SAMD12: variants seen among roughly 807,000 people sequenced by gnomAD.
SAMD12 encodes the protein sterile alpha motif domain-containing protein 12.
SAMD12 carries 9 observed loss-of-function variants against 15.0 expected under a neutral mutation model. The ratio of observed to expected loss-of-function variants is 0.60; its 90% CI spans 0.36 to 1.05. The LOEUF (loss-of-function observed/expected upper bound fraction) is 1.05. SAMD12 is among the 50% of genes least tolerant of loss of function. The pLI is 0.01. For missense variants in SAMD12, 230 were observed against 234.2 expected (o/e 0.98, Z 0.12); for synonymous variants, 86 against 90.1 (o/e 0.96, Z 0.25).
intron 4 of SAMD12, among the ~76,000 whole-genome samples, chr8:118,244,488 T>G (rs28370849): frequency 6.6e-6 from 1 of 152,260 alleles, no homozygotes; most frequent in South Asian, 2.1e-4. Context: ...TTGGCTTTTT[T>G]AATCACTGGG....
intron 1 of SAMD12, among the ~76,000 whole-genome samples, chr8:118,600,790 T>G (rs1293527790): frequency 6.6e-6 from 1 of 152,236 alleles, no homozygotes; most frequent in Non-Finnish European, 1.5e-5. Flanking sequence ...TTTGTGCTTT[T>G]TTTTTTAGAT....
At chr8:118,518,111 C>G (rs1000652085) in intron 2 of SAMD12, among the ~76,000 whole-genome samples, 1 of 152,194 alleles carries the variant, frequency 6.6e-6, no homozygotes, top group Non-Finnish European at 1.5e-5. Flanking sequence ...TGCCTTGTGT[C>G]TACCTCAAAA....
chr8:118,391,739 G>A (rs1420978697), intron 3 of SAMD12, among the ~76,000 whole-genome samples: 2 of 152,042 alleles, frequency 1.3e-5, no homozygotes, highest in African/African-American at 2.4e-5. Context: ...GGATTTCTTA[G>A]GTAGAAAAAT....
intron 2 of SAMD12, among the ~76,000 whole-genome samples, chr8:118,538,496 T>C (rs995342423): frequency 2.0e-5 from 3 of 152,168 alleles, no homozygotes; most frequent in Non-Finnish European, 4.4e-5. Flanking sequence ...TGGACACTGG[T>C]TGAGTTCTGC....
intron 2 of SAMD12, among the ~76,000 whole-genome samples, chr8:118,543,870 T>G (rs1362087839): frequency 6.6e-6 from 1 of 152,130 alleles, no homozygotes; most frequent in Non-Finnish European, 1.5e-5. Flanking sequence ...GTCTTTATAT[T>G]CACCTTTCAT....
intron 4 of SAMD12, among the ~76,000 whole-genome samples, chr8:118,342,425 G>T (rs973144683): frequency 1.3e-5 from 2 of 152,260 alleles, no homozygotes; most frequent in Non-Finnish European, 2.9e-5. Context: ...CGTAGATAAG[G>T]GATCTTTCTA....
chr8:118,197,903 T>C (rs551793181), intron 4 of SAMD12, among the ~76,000 whole-genome samples: 39 of 152,356 alleles, frequency 2.6e-4, no homozygotes, highest in African/African-American at 9.1e-4. Flanking sequence ...GTGGCTTATA[T>C]TCATGAAATT....
At chr8:118,485,295 T>C (rs1313384306) in intron 2 of SAMD12, among the ~76,000 whole-genome samples, 2 of 152,086 alleles carry the variant, frequency 1.3e-5, no homozygotes, top group East Asian at 3.8e-4. Context: ...TTAAAACAAT[T>C]CACACAAAAG....
intron 2 of SAMD12, among the ~76,000 whole-genome samples, chr8:118,494,332 G>A (rs1281667580): frequency 6.6e-6 from 1 of 152,136 alleles, no homozygotes; most frequent in African/African-American, 2.4e-5. Flanking sequence ...ATATAAATTT[G>A]TGTTTTTATC....
At chr8:118,253,516 C>T (rs1278593173) in intron 4 of SAMD12, among the ~76,000 whole-genome samples, 8 of 152,128 alleles carry the variant, frequency 5.3e-5, no homozygotes. Flanking sequence ...ATCTCAGGGC[C>T]TAGTGAGTTG....
At chr8:118,443,749 G>A (rs909943734) in intron 2 of SAMD12, among the ~76,000 whole-genome samples, 2 of 152,064 alleles carry the variant, frequency 1.3e-5, no homozygotes, top group African/African-American at 2.4e-5. Context: ...GATTTGTTCT[G>A]CCTGAACTTC....
At chr8:118,524,366 C>A (rs912865463) in intron 2 of SAMD12, among the ~76,000 whole-genome samples, 3 of 152,170 alleles carry the variant, frequency 2.0e-5, no homozygotes, top group African/African-American at 7.2e-5. Context: ...GCATCTAGGA[C>A]ATGACTCACC....
rs117641573 is a variant in SAMD12 at position 118,565,792 on chromosome 8, A to G, written c.192+14923T>C. ...ATTTCACTAAATAACACCAACATCC[A>G]GTTAGCTGCTCAAACCAGAAACTTC... is the stretch of plus-strand genomic sequence containing the variant. On this transcript the variant is annotated intron_variant, in intron 2 of 3. Coordinates refer to ENST00000314727, the MANE Select transcript of SAMD12 (RefSeq NM_207506.3). Among the ~76,000 whole-genome samples, 311 of 152,294 alleles carry G rather than the reference A, an allele frequency of 2.0e-3. 4 individuals are homozygous for G. The highest frequency in any genetic ancestry group is 0.018 in the Admixed American group (271 of 15,302).
intron 3 of SAMD12, among the ~76,000 whole-genome samples, chr8:118,426,687 T>A (rs1822244874): frequency 6.6e-6 from 1 of 152,196 alleles, no homozygotes; most frequent in South Asian, 2.1e-4. Context: ...TATCGATGAA[T>A]GTGTCCTTGG....
intron 3 of SAMD12, among the ~76,000 whole-genome samples, chr8:118,393,340 C>T (rs1820382331): frequency 6.6e-6 from 1 of 152,146 alleles, no homozygotes; most frequent in Non-Finnish European, 1.5e-5. Context: ...TATAGGTGCA[C>T]ACCACCATGG....
At chr8:118,212,739 T>C (rs17454819) in intron 4 of SAMD12, among the ~76,000 whole-genome samples, 3,550 of 152,308 alleles carry the variant, frequency 0.023, 122 homozygotes, top group Admixed American at 0.095. Flanking sequence ...TTTTCAACAG[T>C]GATTAAACTC....
At chr8:118,619,458 G>T (rs181227501) in intron 1 of SAMD12, among the ~76,000 whole-genome samples, 1 of 122,998 alleles carries the variant, frequency 8.1e-6, no homozygotes, top group Non-Finnish European at 1.6e-5. Context: ...TAGCCTGGGC[G>T]ACAGAGCAAG....
chr8:118,174,870 A>G, the SAMD12 span, among the ~76,000 whole-genome samples: 1 of 152,110 alleles, frequency 6.6e-6, no homozygotes, highest in East Asian at 1.9e-4. Context: ...TTCTTTGTGT[A>G]CATGTGTGGG....
intron 4 of SAMD12, among the ~76,000 whole-genome samples, chr8:118,251,322 G>A (rs1011842893): frequency 5.3e-5 from 8 of 152,118 alleles, no homozygotes; most frequent in Non-Finnish European, 8.8e-5. Flanking sequence ...ACACAGAGAA[G>A]CACCAGGCAT....
Sources: gnomAD v4.1 joint callset for allele counts (sites outside exome capture counted in the v4.1 genomes callset) on GRCh38, gnomAD v4.1.1 for gene constraint, MANE v1.5 for transcripts, NCBI Gene and HGNC (gene_info 2026-07-23, HGNC 2026-07-21) for gene names.